ERBIN: variants seen among roughly 807,000 people sequenced by gnomAD.
The protein encoded by ERBIN is densin-180-like protein.
ERBIN carries 60 observed loss-of-function variants against 158.4 expected under a neutral mutation model. The ratio of observed to expected loss-of-function variants is 0.38; its 90% CI spans 0.31 to 0.47. The LOEUF is 0.47. ERBIN is among the 20% of genes least tolerant of loss of function. The pLI is 0.99. For missense variants in ERBIN, 1,610 were observed against 1,648.0 expected (o/e 0.98, Z 0.40); for synonymous variants, 594 against 557.2 (o/e 1.07, Z -0.93).
chr5:65,979,135 A>T (rs72770206), intron 1 of ERBIN, among the ~76,000 whole-genome samples: 20,460 of 152,122 alleles, frequency 0.13, 1,778 homozygotes, highest in South Asian at 0.29. Context: ...AACACTTAAA[A>T]CAATATTATA....
At chr5:66,009,094 G>A (rs1024742632) in intron 4 of ERBIN, among the ~76,000 whole-genome samples, 1 of 152,224 alleles carries the variant, frequency 6.6e-6, no homozygotes, top group Non-Finnish European at 1.5e-5. Context: ...ATTGGCGTCT[G>A]AGCATGACAT....
At chr5:66,046,860 C>G (rs868022763) in intron 18 of ERBIN, among the ~76,000 whole-genome samples, 1 of 152,030 alleles carries the variant, frequency 6.6e-6, no homozygotes, top group South Asian at 2.1e-4. Flanking sequence ...ATGCATTTAT[C>G]CTTGAAAGTG....
intron 7 of ERBIN, among the ~76,000 whole-genome samples, chr5:66,015,985 A>G (rs1347560040): frequency 6.6e-6 from 1 of 152,142 alleles, no homozygotes; most frequent in Non-Finnish European, 1.5e-5. Context: ...TTTTTATTAT[A>G]TGTCACTCTC....
intron 4 of ERBIN, among the ~76,000 whole-genome samples, chr5:66,003,090 G>T (rs1753174251): frequency 6.6e-6 from 1 of 152,198 alleles, no homozygotes; most frequent in South Asian, 2.1e-4. Flanking sequence ...TCCTCTGGAA[G>T]CTATCATCAT....
chr5:65,939,144 A>T (rs1402223336), intron 1 of ERBIN, among the ~76,000 whole-genome samples: 3 of 152,148 alleles, frequency 2.0e-5, no homozygotes, highest in Non-Finnish European at 2.9e-5. Context: ...GAAAATCAAT[A>T]AAAAAATACA....
chr5:66,025,321 GA>G (rs1756122172), intron 10 of ERBIN, 158 bp from the exon 11 acceptor site: 2 of 659,668 alleles, frequency 3.0e-6, no homozygotes, highest in East Asian at 5.4e-5. Context: ...CAGGATGAGG[GA>G]ATAGAACATT....
intron 1 of ERBIN, among the ~76,000 whole-genome samples, chr5:65,943,402 A>G (rs753536695): frequency 2.6e-5 from 4 of 152,240 alleles, no homozygotes; most frequent in Non-Finnish European, 4.4e-5. Context: ...TTTTAAAGTT[A>G]TCTCTTCTTT....
chr5:65,941,253 C>T (rs1167227017), intron 1 of ERBIN, among the ~76,000 whole-genome samples: 1 of 150,850 alleles, frequency 6.6e-6, no homozygotes, highest in African/African-American at 2.4e-5. Context: ...ACCCTCCCTC[C>T]ACTATTGTCC....
At chr5:66,074,993 G>A (rs1761856577) in intron 22 of ERBIN, 31 bp from the exon 23 acceptor site, 1 of 1,588,838 alleles carries the variant, frequency 6.3e-7, no homozygotes, top group South Asian at 1.1e-5. Context: ...ATTATTATTG[G>A]TCATTTTAAG....
intron 1 of ERBIN, among the ~76,000 whole-genome samples, chr5:65,976,786 A>G (rs1010335668): frequency 7.9e-5 from 12 of 151,366 alleles, no homozygotes; most frequent in African/African-American, 2.9e-4. Flanking sequence ...TAATCCATTC[A>G]ACCCTGAGTG....
chr5:66,076,458 G>A (rs79419690), intron 24 of ERBIN, 50 bp downstream of exon 24: 16,445 of 1,310,578 alleles, frequency 0.013, 216 homozygotes, highest in Admixed American at 0.037. Context: ...TTTATTTACC[G>A]ATTGAATACT....
chr5:66,069,558 T>G (rs1761342466), intron 21 of ERBIN, among the ~76,000 whole-genome samples: 1 of 152,144 alleles, frequency 6.6e-6, no homozygotes, highest in Non-Finnish European at 1.5e-5. Flanking sequence ...TTACTAAACA[T>G]TTCCTTAGTA....
Position 65,983,548 on chromosome 5 carries a change from C to G in ERBIN, c.-57-5087C>G, listed in dbSNP as rs1409580070. On this transcript the variant is annotated intron_variant, in intron 1 of 25. Transcript: ENST00000284037. ...GACTTGGAACTAAGCACAAATATAC[C>G]AAATACAGATTAGCAACATTGTGAT... 5.9e-5 allele frequency among the ~76,000 whole-genome samples: 9 copies of G among 152,104 alleles called. No homozygotes were observed. The East Asian group carries it at 1.7e-3, about 29-fold the overall frequency.
chr5:66,058,526 G>A (rs963107317), intron 21 of ERBIN, among the ~76,000 whole-genome samples: 28 of 151,408 alleles, frequency 1.8e-4, no homozygotes, highest in Admixed American at 1.6e-3. Context: ...CTGTGCAGAA[G>A]CTCTTTAGTT....
At chr5:66,072,047 T>C (rs1761579913) in intron 21 of ERBIN, 122 bp from the exon 22 acceptor site, 8 of 914,372 alleles carry the variant, frequency 8.7e-6, no homozygotes, top group Non-Finnish European at 1.3e-5. Context: ...CAGTGTTTGA[T>C]TTGGGTCTTC....
chr5:66,060,911 T>C (rs1477895950), intron 21 of ERBIN, among the ~76,000 whole-genome samples: 1 of 152,236 alleles, frequency 6.6e-6, no homozygotes, highest in Non-Finnish European at 1.5e-5. Flanking sequence ...AGAGACAGTT[T>C]GTTATAATTT....
chr5:65,970,109 T>C (rs906661579), intron 1 of ERBIN, among the ~76,000 whole-genome samples: 11 of 113,884 alleles, frequency 9.7e-5, no homozygotes, highest in African/African-American at 3.1e-4. Flanking sequence ...TTACATAATC[T>C]AGTGAAGTAT....
At chr5:66,037,591 A>G (rs546984007) in intron 14 of ERBIN, among the ~76,000 whole-genome samples, 1 of 152,284 alleles carries the variant, frequency 6.6e-6, no homozygotes, top group Admixed American at 6.5e-5. Flanking sequence ...GTAAGATTAC[A>G]GGATGGAATT....
intron 1 of ERBIN, among the ~76,000 whole-genome samples, chr5:65,977,561 C>T (rs1337182056): frequency 2.6e-4 from 38 of 148,992 alleles, no homozygotes; most frequent in Non-Finnish European, 4.3e-4. Flanking sequence ...AGACGATGGG[C>T]GGCCGGGCAG....
Sources: gnomAD v4.1 joint callset for allele counts (sites outside exome capture counted in the v4.1 genomes callset) on GRCh38, gnomAD v4.1.1 for gene constraint, MANE v1.5 for transcripts, NCBI Gene and HGNC (gene_info 2026-07-23, HGNC 2026-07-21) for gene names.